LY86: variants seen among roughly 807,000 people sequenced by gnomAD.
LY86 encodes the protein MD-1, RP105-associated.
LY86 carries 20 observed loss-of-function variants against 17.3 expected under a neutral mutation model. That is an observed-to-expected ratio of 1.15 (90% confidence interval 0.81 to 1.68). LY86 has a LOEUF of 1.68. Among genes scored for constraint, LY86 ranks in the 40% most tolerant of loss-of-function variants. The pLI is 0.00. For synonymous variants in LY86, 74 were observed against 70.6 expected, an observed-to-expected ratio of 1.05 and a Z score of -0.24; for missense variants, 200 against 191.9, an observed-to-expected ratio of 1.04 and a Z score of -0.25.
At position 6,603,619 on chromosome 6, in the gene LY86, CA is replaced by C. The variant is rs758614233; in HGVS notation, c.136+14758del. ...AAACAGAAACAGAAAAAAAAACAAA[CA>C]AAAAAAAACAAAACACACACACACA... is the stretch of plus-strand genomic sequence containing the variant. On this transcript the variant is annotated intron_variant, in intron 1 of 4. Coordinates refer to ENST00000230568, the MANE Select transcript of LY86 (RefSeq NM_004271.4). 6.8e-5 allele frequency among the ~76,000 whole-genome samples: 8 copies of C among 117,670 alleles called. No homozygotes were observed. The East Asian group carries it at 7.4e-4, about 11-fold the overall frequency. The allele number at this position is 117,670 out of a possible 152,430, so 77.2% of individuals were successfully genotyped here.
intron 3 of LY86, among the ~76,000 whole-genome samples, chr6:6,637,008 T>G (rs1474899361): frequency 1.2e-4 from 17 of 146,912 alleles, no homozygotes; most frequent in African/African-American, 2.5e-4. Flanking sequence ...ATATTGGTTT[T>G]TTTTTTTTTT....
At chr6:6,603,369 C>CA (rs34476950) in intron 1 of LY86, among the ~76,000 whole-genome samples, 3 of 151,562 alleles carry the variant, frequency 2.0e-5, no homozygotes, top group Non-Finnish European at 4.4e-5. Flanking sequence ...AGACAGTTCA[C>CA]AAAAATTACC....
At chr6:6,605,244 C>T (rs1761068766) in intron 1 of LY86, among the ~76,000 whole-genome samples, 1 of 151,966 alleles carries the variant, frequency 6.6e-6, no homozygotes, top group South Asian at 2.1e-4. Context: ...TAAAATTTGG[C>T]AGTTAAAAAC....
intron 1 of LY86, among the ~76,000 whole-genome samples, chr6:6,606,043 G>A (rs1015951627): frequency 2.0e-4 from 30 of 152,294 alleles, no homozygotes; most frequent in African/African-American, 6.3e-4. Context: ...TACTACTCAA[G>A]CAGGTTACTG....
At chr6:6,588,957 T>TGG (rs1561771525) in intron 1 of LY86, 87 bp downstream of exon 1, 4 of 1,355,976 alleles carry the variant, frequency 2.9e-6, no homozygotes, top group South Asian at 1.4e-5. Flanking sequence ...GGAGTTGGGG[T>TGG]GGGAGGGGAG....
Position 6,625,417 on chromosome 6 carries a change from C to T in LY86, c.223+405C>T, listed in dbSNP as rs991753475. On this transcript the variant is annotated intron_variant, in intron 2 of 4. Transcript: ENST00000230568. ...TTGTCATTTGTGTTATTTTGTATCC[C>T]AAATAGTTAATACAAATTCTTAAAC... Among the ~76,000 whole-genome samples the T allele has an allele frequency of 3.9e-5, 6 of 152,122 alleles. No individual in the cohort carries two copies. In the South Asian group the frequency reaches 1.2e-3, roughly 31 times the overall value.
chr6:6,605,281 GT>G (rs200212593), intron 1 of LY86, among the ~76,000 whole-genome samples: 31 of 74,570 alleles, frequency 4.2e-4, no homozygotes, highest in African/African-American at 9.1e-4. Flanking sequence ...TCACCTCACA[GT>G]TTTTTTCCTC....
At chr6:6,608,247 C>T (rs1439565406) in intron 1 of LY86, among the ~76,000 whole-genome samples, 2 of 152,228 alleles carry the variant, frequency 1.3e-5, no homozygotes, top group Admixed American at 1.3e-4. Context: ...TATAATATGA[C>T]TTTGTCTACG....
At chr6:6,623,178 C>A (rs548770245) in intron 1 of LY86, among the ~76,000 whole-genome samples, 1 of 152,170 alleles carries the variant, frequency 6.6e-6, no homozygotes, top group African/African-American at 2.4e-5. Flanking sequence ...TGCTGGAGAA[C>A]CAAAAGAGCA....
At position 6,600,587 on chromosome 6, in the gene LY86, C is replaced by CAAAAAAAAAA; in HGVS notation, c.136+11749_136+11758dup. Reference sequence around the variant, plus strand: ...CCTGAGAGACAGAGTGAGACTCCATCAAAAAAAAAAAAAAAAAAAAAAAAA... The same window carrying CAAAAAAAAAA: ...CCTGAGAGACAGAGTGAGACTCCATCAAAAAAAAAAAAAAAAAAAAAAAAAAAAAAAAAAA... On this transcript the variant is annotated intron_variant, in intron 1 of 4. Transcript: ENST00000230568. Among the ~76,000 whole-genome samples the CAAAAAAAAAA allele has an allele frequency of 9.9e-4, 82 of 82,438 alleles. 2 individuals are homozygous for CAAAAAAAAAA. The highest frequency in any genetic ancestry group is 1.9e-3 in the East Asian group (5 of 2,636). The allele number at this position is 82,438 out of a possible 152,430, so 54.1% of individuals were successfully genotyped here.
At chr6:6,651,975 G>T (rs899672454) in intron 4 of LY86, among the ~76,000 whole-genome samples, 1 of 140,400 alleles carries the variant, frequency 7.1e-6, no homozygotes, top group African/African-American at 2.6e-5. Flanking sequence ...AGAATCGCTT[G>T]ACCCCAGGAG....
chr6:6,602,917 T>G (rs566922198), intron 1 of LY86, among the ~76,000 whole-genome samples: 1 of 152,146 alleles, frequency 6.6e-6, no homozygotes, highest in Non-Finnish European at 1.5e-5. Context: ...AATACTGGTG[T>G]CTTAGTTCAT....
At chr6:6,588,977 G>A in intron 1 of LY86, 107 bp downstream of exon 1, 1 of 1,385,244 alleles carries the variant, frequency 7.2e-7, no homozygotes, top group Non-Finnish European at 9.7e-7. Context: ...GAGGGGACCA[G>A]CAGCTGAACA....
chr6:6,601,495 G>A (rs1377689680), intron 1 of LY86, among the ~76,000 whole-genome samples: 1 of 152,216 alleles, frequency 6.6e-6, no homozygotes, highest in Non-Finnish European at 1.5e-5. Flanking sequence ...GGCCGAGGCA[G>A]GCAGATCACG....
At chr6:6,610,025 G>A (rs79945808) in intron 1 of LY86, among the ~76,000 whole-genome samples, 15,107 of 152,078 alleles carry the variant, frequency 0.099, 2,060 homozygotes, top group African/African-American at 0.31. Flanking sequence ...GGGCTCCAGC[G>A]ATCCTCCTGC....
intron 1 of LY86, among the ~76,000 whole-genome samples, chr6:6,598,466 A>G (rs1008667352): frequency 2.0e-5 from 3 of 152,234 alleles, no homozygotes; most frequent in Non-Finnish European, 4.4e-5. Flanking sequence ...CCAAAGATAA[A>G]GGCTATCTCT....
intron 1 of LY86, among the ~76,000 whole-genome samples, chr6:6,612,002 A>G (rs866671662): frequency 1.3e-5 from 2 of 151,096 alleles, no homozygotes; most frequent in Non-Finnish European, 2.9e-5. Flanking sequence ...AGTACTGAAC[A>G]CTATGAAAAT....
At chr6:6,643,672 G>A (rs554886779) in intron 3 of LY86, among the ~76,000 whole-genome samples, 6 of 152,032 alleles carry the variant, frequency 3.9e-5, no homozygotes, top group African/African-American at 1.4e-4. Flanking sequence ...AAACACACAT[G>A]CACGCACACA....
At chr6:6,606,716 C>T (rs1034812717) in intron 1 of LY86, among the ~76,000 whole-genome samples, 4 of 152,220 alleles carry the variant, frequency 2.6e-5, no homozygotes, top group Admixed American at 6.5e-5. Flanking sequence ...GGACCTGCAG[C>T]ACTTGCGGGG....
Sources: allele counts gnomAD v4.1 joint callset (sites outside exome capture counted in the v4.1 genomes callset), GRCh38; gene constraint gnomAD v4.1.1; transcripts MANE v1.5; gene names NCBI Gene and HGNC (gene_info 2026-07-23, HGNC 2026-07-21).